FOXO3: variants seen among roughly 807,000 people sequenced by gnomAD.
The protein encoded by FOXO3 is forkhead box O3, also known as forkhead box protein O3.
A neutral mutation model predicts 41.9 loss-of-function variants in FOXO3; 4 were observed. The observed-to-expected ratio is 0.10, with a 90% CI of 0.05 to 0.22. The LOEUF (loss-of-function observed/expected upper bound fraction) is 0.22, where lower values mean the gene tolerates loss of function less well. Ranked by LOEUF, FOXO3 falls within the 10% of genes least tolerant of loss-of-function variation. FOXO3 has a pLI of 1.00. For missense variants in FOXO3, 534 were observed against 906.8 expected, an observed-to-expected ratio of 0.59 and a Z score of 5.28; for synonymous variants, 318 against 389.3, an observed-to-expected ratio of 0.82 and a Z score of 2.16.
At chr6:108,664,935 G>C in intron 2 of FOXO3, 46 bp downstream of exon 2, 1 of 1,532,450 alleles carries the variant, frequency 6.5e-7, no homozygotes, top group Non-Finnish European at 8.8e-7. Context: ...ATGGGGATGA[G>C]GGGGGATCTC....
intron 2 of FOXO3, among the ~76,000 whole-genome samples, chr6:108,669,579 T>C (rs76050897): frequency 0.035 from 5,333 of 152,288 alleles, 315 homozygotes; most frequent in African/African-American, 0.12. Flanking sequence ...CAGGGATCTT[T>C]ATTCTTACCT....
At chr6:108,565,857 CTG>C (rs1775934679) in intron 1 of FOXO3, among the ~76,000 whole-genome samples, 1 of 152,134 alleles carries the variant, frequency 6.6e-6, no homozygotes, top group African/African-American at 2.4e-5. Context: ...AACTGCAACT[CTG>C]TTTTAAATTT....
At chr6:108,651,445 G>C (rs1402342681) in intron 1 of FOXO3, among the ~76,000 whole-genome samples, 2 of 152,172 alleles carry the variant, frequency 1.3e-5, no homozygotes, top group Admixed American at 1.3e-4. Context: ...GTAGCTGTGT[G>C]ACTGTGCCCA....
At chr6:108,640,392 C>T (rs537834167) in intron 1 of FOXO3, among the ~76,000 whole-genome samples, 5 of 152,266 alleles carry the variant, frequency 3.3e-5, no homozygotes, top group East Asian at 1.9e-4. Context: ...AGTTTACTAA[C>T]GTCAGGTCAC....
chr6:108,637,122 G>A (rs1778140750), intron 1 of FOXO3, among the ~76,000 whole-genome samples: 1 of 152,178 alleles, frequency 6.6e-6, no homozygotes. Context: ...TTCCGCAGCT[G>A]TGAAAGAAAT....
At chr6:108,616,123 GA>G (rs1193920184) in intron 1 of FOXO3, among the ~76,000 whole-genome samples, 1 of 148,902 alleles carries the variant, frequency 6.7e-6, no homozygotes, top group Admixed American at 6.7e-5. Flanking sequence ...GAGTAGCTGG[GA>G]CTACAGGTAT....
At chr6:108,562,994 G>T (rs1775857329) in intron 1 of FOXO3, among the ~76,000 whole-genome samples, 1 of 151,746 alleles carries the variant, frequency 6.6e-6, no homozygotes, top group African/African-American at 2.4e-5. Flanking sequence ...ATTTAGCTTA[G>T]ATTTTTTTTT....
intron 1 of FOXO3, among the ~76,000 whole-genome samples, chr6:108,596,076 A>G (rs898901825): frequency 2.6e-5 from 4 of 152,126 alleles, no homozygotes; most frequent in Non-Finnish European, 4.4e-5. Context: ...ATTTTGAGGA[A>G]TGCCCCCAAA....
At chr6:108,676,973 TTCCTTCTGTC>T (rs1770620077) in intron 2 of FOXO3, among the ~76,000 whole-genome samples, 2 of 152,262 alleles carry the variant, frequency 1.3e-5, no homozygotes, top group South Asian at 4.1e-4. Context: ...ACAATCTGTT[TTCCTTCTGTC>T]ACAGAGGAAA....
chr6:108,648,366 C>T (rs560606432), intron 1 of FOXO3, among the ~76,000 whole-genome samples: 2 of 152,248 alleles, frequency 1.3e-5, no homozygotes, highest in South Asian at 4.1e-4. Flanking sequence ...AAGCAAACCG[C>T]AACATTGAGT....
intron 1 of FOXO3, among the ~76,000 whole-genome samples, chr6:108,603,776 A>G (rs112387684): frequency 0.021 from 3,227 of 152,250 alleles, 119 homozygotes; most frequent in African/African-American, 0.072. Flanking sequence ...AGGGTGTGCC[A>G]TCATTTCCTT....
chr6:108,664,096 G>A lies in FOXO3; in HGVS notation c.1263G>A (p.Ser421=), dbSNP rs777494067. 7.4e-6 allele frequency: 12 copies of A among 1,613,982 alleles called. No individual in the cohort carries two copies. The highest frequency in any genetic ancestry group is 2.2e-5 in the East Asian group (1 of 44,888). Residue 421 remains serine, a synonymous_variant, in exon 2 of 3, where the codon TCG becomes TCA. Coordinates refer to ENST00000406360, the MANE Select transcript of FOXO3 (RefSeq NM_001455.4). ...SSSFPYTTKG[S]GLGSPTSSFN... ...GCTTCCCGTATACCACCAAGGGCTC[G>A]GGCCTGGGCTCCCCAACCAGCTCCT...
intron 1 of FOXO3, among the ~76,000 whole-genome samples, chr6:108,658,924 G>A (rs1232544845): frequency 1.3e-5 from 2 of 148,482 alleles, no homozygotes; most frequent in East Asian, 2.0e-4. Flanking sequence ...GTGCTCTGTC[G>A]CCCAGGCTGG....
At chr6:108,625,883 A>T (rs1015864585) in intron 1 of FOXO3, among the ~76,000 whole-genome samples, 1 of 152,146 alleles carries the variant, frequency 6.6e-6, no homozygotes, top group African/African-American at 2.4e-5. Flanking sequence ...TCCTCAGTAC[A>T]TTGAGGTTTC....
rs542164125 is a variant in FOXO3, at chr6:108,649,938, C to T, written c.622-13517C>T. 1.1e-4 allele frequency among the ~76,000 whole-genome samples: 17 copies of T among 152,190 alleles called. No individual in the cohort carries two copies. The South Asian group carries it at 2.9e-3, about 26-fold the overall frequency. On this transcript the variant is annotated intron_variant, in intron 1 of 2. Transcript: ENST00000406360. The stretch of plus-strand genomic sequence containing the variant: ...CCCTTGTCTTGATGTGAAGGGATTA[C>T]TCTCAATGGCCCCCATATATTTAAT...
At chr6:108,610,032 T>G (rs1777316051) in intron 1 of FOXO3, among the ~76,000 whole-genome samples, 1 of 152,200 alleles carries the variant, frequency 6.6e-6, no homozygotes, top group South Asian at 2.1e-4. Flanking sequence ...TGGCCATATA[T>G]GCATGCATTG....
At chr6:108,590,513 G>C (rs544916828) in intron 1 of FOXO3, among the ~76,000 whole-genome samples, 3 of 152,268 alleles carry the variant, frequency 2.0e-5, no homozygotes, top group African/African-American at 7.2e-5. Flanking sequence ...TATGAGGTGT[G>C]TATGAAACAT....
At chr6:108,629,926 T>G (rs1351356078) in intron 1 of FOXO3, among the ~76,000 whole-genome samples, 1 of 152,236 alleles carries the variant, frequency 6.6e-6, no homozygotes, top group East Asian at 1.9e-4. Context: ...TCTGTACTTT[T>G]GGCCCTGAAA....
intron 1 of FOXO3, among the ~76,000 whole-genome samples, chr6:108,646,929 C>CTT (rs1317761058): frequency 6.6e-6 from 1 of 152,316 alleles, no homozygotes; most frequent in Middle Eastern, 3.4e-3. Context: ...ACTCTTCCCA[C>CTT]TTTCCTTCTT....
Sources: gnomAD v4.1 joint callset for allele counts (sites outside exome capture counted in the v4.1 genomes callset) on GRCh38, gnomAD v4.1.1 for gene constraint, MANE v1.5 for transcripts, NCBI Gene and HGNC (gene_info 2026-07-23, HGNC 2026-07-21) for gene names.